The following HHLA2 variants were observed in gnomAD, a reference collection of about 807,000 sequenced individuals.
HHLA2 encodes the protein HHLA2 member of B7 family, also known as HERV-H LTR-associating protein 2.
A neutral mutation model predicts 45.9 loss-of-function variants in HHLA2; 48 were observed. The ratio of observed to expected loss-of-function variants is 1.05; its 90% CI spans 0.83 to 1.33. The LOEUF is 1.33. Ranked by LOEUF, HHLA2 falls within the 40% of genes most tolerant of loss-of-function variation. The probability of loss-of-function intolerance (pLI) is 0.00; values close to 1 mark genes in which losing one functional copy is unlikely to be tolerated. For synonymous variants in HHLA2, 161 were observed against 173.9 expected (o/e 0.93, Z 0.59); for missense variants, 462 against 494.3 (o/e 0.93, Z 0.62).
intron 8 of HHLA2, among the ~76,000 whole-genome samples, chr3:108,365,099 A>G (rs375388197): frequency 1.3e-5 from 2 of 152,292 alleles, no homozygotes; most frequent in South Asian, 4.1e-4. Context: ...GATATTGCCT[A>G]GGTTTTCTTC....
At chr3:108,342,465 A>G (rs969275285) in intron 3 of HHLA2, among the ~76,000 whole-genome samples, 7 of 151,900 alleles carry the variant, frequency 4.6e-5, no homozygotes, top group African/African-American at 1.5e-4. Flanking sequence ...GGGTTTCGCC[A>G]TGTTGACCAG....
At chr3:108,301,530 C>T (rs1192427198) in intron 1 of HHLA2, among the ~76,000 whole-genome samples, 2 of 152,018 alleles carry the variant, frequency 1.3e-5, no homozygotes, top group African/African-American at 2.4e-5. Flanking sequence ...AGTTCCTCCC[C>T]ACCCCACCAC....
In HHLA2 at chr3:108,377,350, C is replaced by A. The variant is rs2082292967; in HGVS notation, c.*72C>A. ...CCAGTGACTTCATCTCCCCTTTCTT[C>A]ACCACAATTCCAGGCAATGGCCTGT... On this transcript the variant is annotated 3_prime_UTR_variant, in exon 11 of 11. Coordinates refer to ENST00000619531, the Ensembl canonical transcript of HHLA2. 4.3e-6 allele frequency: 5 copies of A among 1,152,324 alleles called. No individual in the cohort carries two copies. The South Asian group carries it at 6.5e-5, about 15-fold the overall frequency. 71.4% of individuals were successfully genotyped at this position (1,152,324 alleles called of 1,614,324 possible).
At chr3:108,354,714 C>T (rs2081852041) in intron 5 of HHLA2, among the ~76,000 whole-genome samples, 2 of 152,096 alleles carry the variant, frequency 1.3e-5, no homozygotes, top group South Asian at 4.1e-4. Flanking sequence ...ATTCAGAAAT[C>T]ACAAAATTAT....
intron 3 of HHLA2, chr3:108,328,445 A>G (rs760010409): frequency 4.6e-5 from 33 of 709,794 alleles, no homozygotes; most frequent in Admixed American, 9.4e-5. Context: ...TTGCTTTGCA[A>G]ATATTATTAA....
At chr3:108,369,781 G>A (rs965328800) in intron 8 of HHLA2, among the ~76,000 whole-genome samples, 25 of 152,160 alleles carry the variant, frequency 1.6e-4, no homozygotes, top group Non-Finnish European at 3.4e-4. Context: ...ACCCACCATT[G>A]CCGAGGCTTG....
chr3:108,362,246 A>G, intron 7 of HHLA2, 96 bp from the exon 7 acceptor site: 1 of 835,164 alleles, frequency 1.2e-6, no homozygotes, highest in Non-Finnish European at 1.9e-6. Flanking sequence ...TAGTTTTTAA[A>G]ATAGTAAACA....
exon 11 of HHLA2, chr3:108,377,308 A>AC (rs1317700799): frequency 6.4e-7 from 1 of 1,551,140 alleles, no homozygotes; most frequent in East Asian, 2.2e-5. Context: ...ACAACTCATG[A>AC]CCTGCATCCT....
chr3:108,326,224 T>C (rs756540367), intron 2 of HHLA2: 17 of 210,158 alleles, frequency 8.1e-5, no homozygotes, highest in Non-Finnish European at 1.4e-4. Context: ...CCACCTTGTA[T>C]GGTGTATTCG....
chr3:108,340,908 T>TTTCC (rs1198848913), intron 3 of HHLA2, among the ~76,000 whole-genome samples: 1 of 59,466 alleles, frequency 1.7e-5, no homozygotes, highest in African/African-American at 8.6e-5. Context: ...TTTTTTTTTT[T>TTTCC]TTCCTTCCTT....
chr3:108,330,582 G>A (rs1300494635), intron 3 of HHLA2, among the ~76,000 whole-genome samples: 1 of 152,146 alleles, frequency 6.6e-6, no homozygotes, highest in Non-Finnish European at 1.5e-5. Flanking sequence ...TTAAAGCAGT[G>A]GCCCCTGATG....
At chr3:108,357,611 C>T (rs575418818) in intron 6 of HHLA2, among the ~76,000 whole-genome samples, 8 of 152,252 alleles carry the variant, frequency 5.3e-5, no homozygotes, top group Non-Finnish European at 7.4e-5. Context: ...CTCTAGCTGG[C>T]CCTGGCTTAG....
intron 3 of HHLA2, among the ~76,000 whole-genome samples, chr3:108,343,110 G>C (rs1027126421): frequency 1.3e-5 from 2 of 152,184 alleles, no homozygotes; most frequent in Non-Finnish European, 2.9e-5. Context: ...CTGGATGACA[G>C]TGTGGGGTAC....
Position 108,328,292 on chromosome 3 carries a change from G to A in HHLA2, c.-82G>A, listed in dbSNP as rs535750690. On this transcript the variant is annotated 5_prime_UTR_variant, in exon 3 of 11. Transcript: ENST00000619531. Reference sequence around the variant, plus strand: ...CAGCATGTAGGAGAATACTAACCCTGCACAGATTGTGATGGTGATGTGGAA... The same window carrying A: ...CAGCATGTAGGAGAATACTAACCCTACACAGATTGTGATGGTGATGTGGAA... 92 of 1,526,662 alleles carry A rather than the reference G, an allele frequency of 6.0e-5. No homozygotes were observed. The African/African-American group carries it at 1.0e-3, about 17-fold the overall frequency. 94.6% of individuals were successfully genotyped at this position (1,526,662 alleles called of 1,614,324 possible).
chr3:108,342,346 C>T (rs1009844003), intron 3 of HHLA2, among the ~76,000 whole-genome samples: 5 of 150,228 alleles, frequency 3.3e-5, no homozygotes, highest in African/African-American at 1.2e-4. Flanking sequence ...TTACTGCAAC[C>T]TCCGACTTCC....
intron 3 of HHLA2, among the ~76,000 whole-genome samples, chr3:108,333,830 G>A (rs1007906683): frequency 3.3e-5 from 5 of 152,080 alleles, no homozygotes; most frequent in Admixed American, 1.3e-4. Flanking sequence ...GCTGTCCTAC[G>A]CTAGATGACA....
intron 6 of HHLA2, among the ~76,000 whole-genome samples, chr3:108,355,857 T>G (rs1395412702): frequency 1.3e-5 from 2 of 152,148 alleles, no homozygotes; most frequent in East Asian, 3.8e-4. Context: ...TTACATAGTA[T>G]TAGCCCATCA....
intron 2 of HHLA2, among the ~76,000 whole-genome samples, chr3:108,322,471 G>C (rs1282553371): frequency 6.6e-6 from 1 of 152,130 alleles, no homozygotes; most frequent in African/African-American, 2.4e-5. Context: ...ATCTTTGACT[G>C]CTGAGAGCTT....
At chr3:108,338,473 T>C (rs1021036182) in intron 3 of HHLA2, among the ~76,000 whole-genome samples, 1 of 140,204 alleles carries the variant, frequency 7.1e-6, no homozygotes, top group Admixed American at 7.1e-5. Context: ...GGGGCACTCA[T>C]GTGTGCTCCT....
Sources: allele counts gnomAD v4.1 joint callset (sites outside exome capture counted in the v4.1 genomes callset), GRCh38; gene constraint gnomAD v4.1.1; transcripts MANE v1.5; gene names NCBI Gene and HGNC (gene_info 2026-07-23, HGNC 2026-07-21).